Variants in CELF2 observed in about 807,000 individuals in gnomAD.
CELF2 encodes CUGBP Elav-like family member 2.
In CELF2, 8 loss-of-function variants were observed where a neutral mutation model predicts 62.6. The ratio of observed to expected loss-of-function variants is 0.13; its 90% CI spans 0.07 to 0.23. The LOEUF is 0.23. CELF2 is among the 10% of genes least tolerant of loss of function. The probability of loss-of-function intolerance (pLI) is 1.00; values close to 1 mark genes in which losing one functional copy is unlikely to be tolerated. For missense variants in CELF2, 333 were observed against 671.0 expected (o/e 0.50, Z 5.56); for synonymous variants, 258 against 250.0 (o/e 1.03, Z -0.30).
chr10:10,988,230 C>CATATATAG (rs958129329), intron 2 of CELF2, among the ~76,000 whole-genome samples: 1 of 149,924 alleles, frequency 6.7e-6, no homozygotes, highest in Non-Finnish European at 1.5e-5. Context: ...GAAAATGTGA[C>CATATATAG]ATATATAGAT....
the CELF2 span, among the ~76,000 whole-genome samples, chr10:10,753,356 T>A: frequency 6.6e-6 from 1 of 151,608 alleles, no homozygotes; most frequent in Non-Finnish European, 1.5e-5. Context: ...ATATGGGATT[T>A]TGCTTCTCTA....
At chr10:10,926,800 T>A (rs2065514970) in intron 2 of CELF2, among the ~76,000 whole-genome samples, 1 of 152,194 alleles carries the variant, frequency 6.6e-6, no homozygotes, top group South Asian at 2.1e-4. Flanking sequence ...GGATTGTAAG[T>A]ACTTAAAGAA....
chr10:10,686,583 T>C, the CELF2 span, among the ~76,000 whole-genome samples: 2 of 152,114 alleles, frequency 1.3e-5, no homozygotes. Flanking sequence ...TATACTGTCC[T>C]TGTGATAGTG....
the CELF2 span, among the ~76,000 whole-genome samples, chr10:10,498,808 C>T: frequency 6.6e-6 from 1 of 152,068 alleles, no homozygotes; most frequent in Non-Finnish European, 1.5e-5. Flanking sequence ...CATTGACATG[C>T]AAAATAATGG....
chr10:10,580,634 C>T, the CELF2 span, among the ~76,000 whole-genome samples: 4 of 152,138 alleles, frequency 2.6e-5, no homozygotes, highest in Non-Finnish European at 4.4e-5. Context: ...TTGAAAGTTC[C>T]TGGCAGTTCT....
At chr10:10,827,605 A>C (rs2057498770) in intron 1 of CELF2, among the ~76,000 whole-genome samples, 1 of 152,220 alleles carries the variant, frequency 6.6e-6, no homozygotes, top group South Asian at 2.1e-4. Context: ...CTAGCCATGG[A>C]AAGTATTCAT....
intron 2 of CELF2, among the ~76,000 whole-genome samples, chr10:11,182,735 A>G (rs1031977696): frequency 5.3e-5 from 8 of 152,220 alleles, no homozygotes; most frequent in African/African-American, 1.9e-4. Flanking sequence ...CAGCTTGTCC[A>G]AAACCAAACA....
chr10:11,188,688 T>G (rs1362411850), intron 2 of CELF2, among the ~76,000 whole-genome samples: 2 of 152,198 alleles, frequency 1.3e-5, no homozygotes, highest in Non-Finnish European at 2.9e-5. Context: ...TTCATCAAAT[T>G]TGGAAAACTT....
chr10:10,778,462 T>C, the CELF2 span, among the ~76,000 whole-genome samples: 9 of 152,138 alleles, frequency 5.9e-5, no homozygotes, highest in Admixed American at 5.2e-4. Flanking sequence ...AACTGAGAAA[T>C]AACTGAGCTT....
At chr10:10,623,786 A>C in the CELF2 span, among the ~76,000 whole-genome samples, 7 of 152,146 alleles carry the variant, frequency 4.6e-5, no homozygotes, top group Non-Finnish European at 1.0e-4. Flanking sequence ...TGCTTTATAT[A>C]ATCTTATTTA....
Position 11,285,565 on chromosome 10 carries a change from G to C in CELF2, c.842-2853G>C, listed in dbSNP as rs2139491575. 6.6e-6 allele frequency among the ~76,000 whole-genome samples: 1 copy of C among 152,320 alleles called. No individual in the cohort carries two copies. The highest frequency in any genetic ancestry group is 1.5e-5 in the Non-Finnish European group (1 of 68,020). ...TCAGCTCAGTTCCAGGACCTTTAGT[G>C]AATGTCAGTGGGTGAGAGAAGGACT... On this transcript the variant is annotated intron_variant, in intron 8 of 12. Transcript: ENST00000633077. This position sits in a 1 kb window ranked among gnomAD's most constrained non-coding sequence, Gnocchi z 4.3.
chr10:11,116,288 A>G (rs2056541808), intron 1 of CELF2, among the ~76,000 whole-genome samples: 1 of 152,146 alleles, frequency 6.6e-6, no homozygotes, highest in South Asian at 2.1e-4. Context: ...CTGTTATTAG[A>G]CTTAATTTTT....
the CELF2 span, among the ~76,000 whole-genome samples, chr10:10,493,880 C>A: frequency 6.6e-6 from 1 of 152,174 alleles, no homozygotes; most frequent in African/African-American, 2.4e-5. Flanking sequence ...TGTGCCCATC[C>A]CTTTGAGTCT....
the CELF2 span, among the ~76,000 whole-genome samples, chr10:10,707,970 C>A: frequency 6.6e-6 from 1 of 151,978 alleles, no homozygotes; most frequent in East Asian, 1.9e-4. Context: ...CTATCTTTAA[C>A]GTATATTATC....
At chr10:11,066,144 A>G (rs1457178127) in intron 1 of CELF2, among the ~76,000 whole-genome samples, 9 of 152,148 alleles carry the variant, frequency 5.9e-5, no homozygotes, top group Admixed American at 3.9e-4. Context: ...TAGGTTTTCC[A>G]TGGCACCGGG....
intron 1 of CELF2, among the ~76,000 whole-genome samples, chr10:10,825,876 C>A (rs2057349259): frequency 6.6e-6 from 1 of 152,138 alleles, no homozygotes; most frequent in African/African-American, 2.4e-5. Flanking sequence ...GCTTGTGAAG[C>A]CATGTCCAAA....
upstream of CELF2, chr10:11,005,121 T>C: frequency 4.1e-6 from 4 of 985,300 alleles, no homozygotes; most frequent in South Asian, 1.4e-4. The surrounding 1 kb of genome is among the most constrained non-coding windows in gnomAD (Gnocchi z 4.3). Context: ...CAGCACAGTG[T>C]ATTAGTGTAA....
the CELF2 span, among the ~76,000 whole-genome samples, chr10:10,629,154 C>A: frequency 6.6e-6 from 1 of 152,046 alleles, no homozygotes; most frequent in Non-Finnish European, 1.5e-5. Flanking sequence ...CTCCTTGGTG[C>A]TGTACTTCTA....
At chr10:10,474,211 G>C in the CELF2 span, among the ~76,000 whole-genome samples, 1 of 152,174 alleles carries the variant, frequency 6.6e-6, no homozygotes, top group South Asian at 2.1e-4. Flanking sequence ...AGGAGGCAGA[G>C]GCAGGATGAC....
Sources: gnomAD v4.1 joint callset for allele counts (sites outside exome capture counted in the v4.1 genomes callset) on GRCh38, gnomAD v4.1.1 for gene constraint, Gnocchi (gnomAD v3.1) non-coding constraint, MANE v1.5 for transcripts, NCBI Gene and HGNC (gene_info 2026-07-23, HGNC 2026-07-21) for gene names.